TPST1: variants seen among roughly 807,000 people sequenced by gnomAD.
TPST1 encodes protein-tyrosine sulfotransferase 1.
Under a neutral mutation model 34.8 loss-of-function variants are expected in TPST1, and 20 were observed. The ratio of observed to expected loss-of-function variants is 0.57; its 90% CI spans 0.40 to 0.84. TPST1 has a LOEUF of 0.84. TPST1 is among the 40% of genes least tolerant of loss of function. TPST1 has a pLI of 0.00. For missense variants in TPST1, 353 were observed against 455.5 expected (o/e 0.78, Z 2.05); for synonymous variants, 152 against 159.4 (o/e 0.95, Z 0.35).
At chr7:66,203,206 AAC>A (rs761811361), upstream of TPST1, among the ~76,000 whole-genome samples, 448 of 149,070 alleles carry the variant, frequency 3.0e-3, 2 homozygotes, top group African/African-American at 9.1e-3. Flanking sequence ...TATACACACA[AAC>A]ACACACACAC....
chr7:66,313,637 T>C (rs1157654474), intron 3 of TPST1, among the ~76,000 whole-genome samples: 1 of 152,168 alleles, frequency 6.6e-6, no homozygotes, highest in African/African-American at 2.4e-5. Flanking sequence ...CAGGATTTCA[T>C]GAAACAAAGA....
rs535223237 is a variant in TPST1, at chr7:66,300,997, AT to A, written c.1044+14289del. On this transcript the variant is annotated intron_variant, in intron 3 of 5. Transcript: ENST00000304842. ...ACTTGACAGTAGAAATTACTCCTTG[AT>A]CCATGGACTACAGAATGGATACTGT... 1.5e-3 allele frequency among the ~76,000 whole-genome samples: 228 copies of A among 152,172 alleles called. 1 individual carries two copies. Among genetic ancestry groups the A allele is most frequent in the African/African-American group, 5.3e-3 (220 of 41,530 alleles).
intron 2 of TPST1, among the ~76,000 whole-genome samples, chr7:66,258,703 A>C (rs1584184580): frequency 6.6e-6 from 1 of 152,154 alleles, no homozygotes; most frequent in African/African-American, 2.4e-5. Flanking sequence ...GGCTGGTGCC[A>C]CCCTTAGGGT....
At chr7:66,272,350 A>G (rs112852466) in intron 2 of TPST1, among the ~76,000 whole-genome samples, 161 of 152,344 alleles carry the variant, frequency 1.1e-3, no homozygotes, top group African/African-American at 3.8e-3. Flanking sequence ...TACCACATTT[A>G]CAGAATGAAG....
chr7:66,207,208 A>G (rs1789148453), intron 1 of TPST1, among the ~76,000 whole-genome samples: 1 of 152,034 alleles, frequency 6.6e-6, no homozygotes, highest in African/African-American at 2.4e-5. Flanking sequence ...TAACCTCTAG[A>G]TTCCTCTTAT....
At chr7:66,295,331 C>CA (rs1025909360) in intron 3 of TPST1, among the ~76,000 whole-genome samples, 1 of 152,030 alleles carries the variant, frequency 6.6e-6, no homozygotes, top group African/African-American at 2.4e-5. Flanking sequence ...CCCATCTCTA[C>CA]AAAAAATACA....
chr7:66,216,367 G>C (rs1288112609), intron 1 of TPST1, among the ~76,000 whole-genome samples: 1 of 147,174 alleles, frequency 6.8e-6, no homozygotes, highest in African/African-American at 2.5e-5. Flanking sequence ...CAAAGAACCA[G>C]TTTTTGGTTT....
intron 2 of TPST1, among the ~76,000 whole-genome samples, chr7:66,251,015 A>G (rs1004469884): frequency 2.6e-5 from 4 of 152,186 alleles, no homozygotes; most frequent in African/African-American, 9.7e-5. Context: ...TTTAAAACTT[A>G]TGAGTTGTTT....
intron 1 of TPST1, among the ~76,000 whole-genome samples, chr7:66,209,054 A>G (rs1162309061): frequency 1.3e-5 from 2 of 152,036 alleles, no homozygotes; most frequent in African/African-American, 2.4e-5. Flanking sequence ...AGACTGAGGC[A>G]GACGGATCAA....
At chr7:66,213,725 CAG>C (rs1190028275) in intron 1 of TPST1, among the ~76,000 whole-genome samples, 7 of 145,242 alleles carry the variant, frequency 4.8e-5, no homozygotes, top group African/African-American at 1.8e-4. Flanking sequence ...GCCTGGGAGA[CAG>C]AGTGAGACTC....
intron 1 of TPST1, among the ~76,000 whole-genome samples, chr7:66,236,399 C>CAT (rs1329618569): frequency 1.3e-5 from 2 of 152,050 alleles, no homozygotes; most frequent in East Asian, 3.9e-4. Flanking sequence ...ATGTTGCTCT[C>CAT]ATATATATAT....
At chr7:66,355,330 T>C (rs188490476) in intron 4 of TPST1, among the ~76,000 whole-genome samples, 73 of 150,848 alleles carry the variant, frequency 4.8e-4, no homozygotes, top group African/African-American at 1.8e-3. Flanking sequence ...AAAAAAAAAT[T>C]AGCTGGGCGT....
intron 2 of TPST1, among the ~76,000 whole-genome samples, chr7:66,255,717 T>A (rs1208485957): frequency 6.6e-6 from 1 of 152,230 alleles, no homozygotes; most frequent in Admixed American, 6.5e-5. Flanking sequence ...ATTTTCATTC[T>A]GTTGACATTT....
chr7:66,199,952 G>T, the TPST1 span, among the ~76,000 whole-genome samples: 9 of 151,836 alleles, frequency 5.9e-5, no homozygotes, highest in South Asian at 1.9e-3. Context: ...GGATGGTCTT[G>T]ATCTCCTCAC....
intron 1 of TPST1, among the ~76,000 whole-genome samples, chr7:66,230,959 C>T (rs1225345011): frequency 2.0e-5 from 3 of 152,156 alleles, no homozygotes; most frequent in African/African-American, 7.2e-5. Context: ...ACCAGAGCAG[C>T]TAGATACAGA....
chr7:66,355,938 T>TGG (rs892088398), intron 4 of TPST1, among the ~76,000 whole-genome samples: 4 of 141,894 alleles, frequency 2.8e-5, no homozygotes, highest in African/African-American at 1.0e-4. Context: ...CTGAGCGTGG[T>TGG]GGCATACTTG....
chr7:66,311,110 T>C (rs536066952), intron 3 of TPST1, among the ~76,000 whole-genome samples: 31 of 152,074 alleles, frequency 2.0e-4, no homozygotes, highest in Admixed American at 8.5e-4. Context: ...ATTTTTTTTT[T>C]CCCCTATTGA....
chr7:66,199,294 CT>C, the TPST1 span, among the ~76,000 whole-genome samples: 379 of 125,834 alleles, frequency 3.0e-3, 1 homozygote, highest in Non-Finnish European at 4.2e-3. Flanking sequence ...TCATCTCCTT[CT>C]TTTTTTTTTT....
chr7:66,234,894 C>T lies in TPST1; in HGVS notation c.-101-5431C>T, dbSNP rs1202422797. On this transcript the variant is annotated intron_variant, in intron 1 of 5. Coordinates refer to ENST00000304842, the MANE Select transcript of TPST1 (RefSeq NM_003596.4). ...GGTTTCACCGTAGCAAGGATGGTCT[C>T]GATCTCCTGACCTCATGATCTGCCC... Among the ~76,000 whole-genome samples, 4 of 152,122 alleles carry T rather than the reference C, an allele frequency of 2.6e-5. No individual in the cohort carries two copies. The East Asian group carries it at 7.7e-4, about 29-fold the overall frequency.
Sources: gnomAD v4.1 joint callset for allele counts (sites outside exome capture counted in the v4.1 genomes callset) on GRCh38, gnomAD v4.1.1 for gene constraint, MANE v1.5 for transcripts, NCBI Gene and HGNC (gene_info 2026-07-23, HGNC 2026-07-21) for gene names.